Variants in DLG2 observed in about 807,000 individuals in gnomAD.
The protein encoded by DLG2 is discs large MAGUK scaffold protein 2, also known as disks large homolog 2.
Under a neutral mutation model 132.5 loss-of-function variants are expected in DLG2, and 45 were observed. That is an observed-to-expected ratio of 0.34 (90% CI 0.27 to 0.44). DLG2 has a LOEUF of 0.44. DLG2 is among the 20% of genes least tolerant of loss of function. The pLI is 1.00. For synonymous variants in DLG2, 424 were observed against 419.6 expected (o/e 1.01, Z -0.13); for missense variants, 1,045 against 1,196.9 (o/e 0.87, Z 1.87).
intron 11 of DLG2, among the ~76,000 whole-genome samples, chr11:84,023,939 CACTT>C (rs747392094): frequency 2.6e-5 from 4 of 152,154 alleles, no homozygotes; most frequent in South Asian, 2.1e-4. Context: ...TCTTTTATCT[CACTT>C]ACTTCATTAT....
At chr11:85,065,038 G>A (rs1261866286) in intron 6 of DLG2, among the ~76,000 whole-genome samples, 1 of 151,546 alleles carries the variant, frequency 6.6e-6, no homozygotes, top group African/African-American at 2.4e-5. Flanking sequence ...AAGAGGGGTG[G>A]AGTCAATTAG....
intron 18 of DLG2, among the ~76,000 whole-genome samples, chr11:83,777,752 G>A (rs556007659): frequency 4.6e-5 from 7 of 152,086 alleles, no homozygotes; most frequent in Non-Finnish European, 5.9e-5. Context: ...CCCTTCTTCC[G>A]AGTGGGTGAA....
chr11:84,095,274 A>G (rs1001885570), intron 10 of DLG2, among the ~76,000 whole-genome samples: 14 of 152,204 alleles, frequency 9.2e-5, no homozygotes, highest in Non-Finnish European at 1.9e-4. Flanking sequence ...TTGAGCACCA[A>G]TTATGTGCCT....
intron 20 of DLG2, among the ~76,000 whole-genome samples, chr11:83,538,567 G>A (rs955329583): frequency 2.0e-5 from 3 of 152,212 alleles, no homozygotes; most frequent in African/African-American, 7.2e-5. Context: ...AGAGACTGGT[G>A]TTTGGTCAGT....
chr11:83,701,065 A>G (rs1194781578), intron 18 of DLG2, among the ~76,000 whole-genome samples: 1 of 152,320 alleles, frequency 6.6e-6, no homozygotes, highest in South Asian at 2.1e-4. Context: ...AGGCTTTGTT[A>G]GATGCTTCTT....
intron 6 of DLG2, among the ~76,000 whole-genome samples, chr11:84,670,071 G>A (rs1326925912): frequency 6.6e-6 from 1 of 152,124 alleles, no homozygotes; most frequent in Non-Finnish European, 1.5e-5. Flanking sequence ...ATAAGGACTG[G>A]ATTTCAGAGG....
chr11:84,808,901 T>C (rs1029852390), intron 6 of DLG2, among the ~76,000 whole-genome samples: 1 of 151,972 alleles, frequency 6.6e-6, no homozygotes, highest in Admixed American at 6.6e-5. Context: ...TAAGATCAAT[T>C]TGATACAATC....
intron 5 of DLG2, among the ~76,000 whole-genome samples, chr11:85,151,719 ATCTACAT>A (rs2077265275): frequency 6.6e-6 from 1 of 152,248 alleles, no homozygotes. Flanking sequence ...TATTTCTGGG[ATCTACAT>A]TCTCTTTCAC....
chr11:84,411,000 C>T (rs1381296107), intron 7 of DLG2, among the ~76,000 whole-genome samples: 1 of 152,136 alleles, frequency 6.6e-6, no homozygotes, highest in African/African-American at 2.4e-5. Flanking sequence ...ACAGTGACTG[C>T]TAATTTCTAA....
chr11:85,573,888 G>C (rs953096141), intron 3 of DLG2, among the ~76,000 whole-genome samples: 2 of 152,092 alleles, frequency 1.3e-5, no homozygotes, highest in African/African-American at 4.8e-5. Flanking sequence ...TGAATAACAT[G>C]ACCTCTTTTA....
In DLG2 at chr11:84,603,455, G is replaced by A. The variant is rs116021673; in HGVS notation, c.358-68724C>T. Among the ~76,000 whole-genome samples, 399 of 152,070 alleles carry A rather than the reference G, an allele frequency of 2.6e-3. 3 individuals carry two copies. The highest frequency in any genetic ancestry group is 9.4e-3 in the African/African-American group (390 of 41,552). On this transcript the variant is annotated intron_variant, in intron 6 of 27. Coordinates refer to ENST00000376104, the MANE Select transcript of DLG2 (RefSeq NM_001142699.3). ...TTTGCTCATCTGTAGAAGCAGGTAT[G>A]CATCTGCATCACCTCTAACATAAAG... is the stretch of plus-strand genomic sequence containing the variant.
chr11:85,238,938 C>T (rs1454111279), intron 4 of DLG2, among the ~76,000 whole-genome samples: 5 of 151,884 alleles, frequency 3.3e-5, no homozygotes, highest in African/African-American at 4.8e-5. Flanking sequence ...TCAAACAACT[C>T]AACTTTTCTT....
rs758708292 is a variant in DLG2, at chr11:85,285,205, G to C, written c.186+15C>G. On this transcript the variant is annotated intron_variant, in intron 4 of 27. Transcript: ENST00000376104. ...CTAGTATTATTCAGTTCTTTTGGAAGTTTCAGTAGTATACCTCTGAAGATT... is the reference window on the plus strand; with the variant it reads ...CTAGTATTATTCAGTTCTTTTGGAACTTTCAGTAGTATACCTCTGAAGATT... The C allele has an allele frequency of 1.2e-6, 2 of 1,605,574 alleles. No individual in the cohort carries two copies. Among genetic ancestry groups the C allele is most frequent in the Admixed American group, 1.7e-5 (1 of 58,830 alleles).
At chr11:84,351,261 T>C (rs1428895956) in intron 7 of DLG2, among the ~76,000 whole-genome samples, 4 of 152,178 alleles carry the variant, frequency 2.6e-5, no homozygotes, top group Non-Finnish European at 2.9e-5. Flanking sequence ...AGGGGATCTC[T>C]GTGGCATATA....
chr11:85,236,876 T>G (rs1001816385), intron 4 of DLG2, among the ~76,000 whole-genome samples: 3 of 152,044 alleles, frequency 2.0e-5, no homozygotes, highest in Non-Finnish European at 2.9e-5. Context: ...ATTTCATCTG[T>G]AAGAATATAT....
chr11:85,267,741 A>AT (rs1159388290), intron 4 of DLG2, among the ~76,000 whole-genome samples: 1 of 152,216 alleles, frequency 6.6e-6, no homozygotes, highest in African/African-American at 2.4e-5. Context: ...TTTCTAAAAT[A>AT]TACATAATTC....
At chr11:84,307,157 C>G (rs1301896574) in intron 7 of DLG2, among the ~76,000 whole-genome samples, 2 of 152,160 alleles carry the variant, frequency 1.3e-5, no homozygotes, top group African/African-American at 4.8e-5. Context: ...ACATGGAACA[C>G]TATGCAGCCA....
chr11:84,801,315 T>A (rs2075342630), intron 6 of DLG2, among the ~76,000 whole-genome samples: 1 of 152,178 alleles, frequency 6.6e-6, no homozygotes, highest in African/African-American at 2.4e-5. Context: ...CTCACGCCTG[T>A]ATTCCTAGCA....
intron 6 of DLG2, among the ~76,000 whole-genome samples, chr11:84,696,375 G>A (rs2058617283): frequency 6.6e-6 from 1 of 151,508 alleles, no homozygotes; most frequent in Admixed American, 6.6e-5. Flanking sequence ...GCTTAGAGAA[G>A]TTGGGTATTT....
Sources: gnomAD v4.1 joint callset for allele counts (sites outside exome capture counted in the v4.1 genomes callset) on GRCh38, gnomAD v4.1.1 for gene constraint, MANE v1.5 for transcripts, NCBI Gene and HGNC (gene_info 2026-07-23, HGNC 2026-07-21) for gene names.